CTIF: variants seen among roughly 807,000 people sequenced by gnomAD.
CTIF encodes the protein cap binding complex dependent translation initiation factor.
A neutral mutation model predicts 66.0 loss-of-function variants in CTIF; 21 were observed. The observed-to-expected ratio is 0.32, with a 90% CI of 0.23 to 0.46. CTIF has a LOEUF of 0.46. Among genes scored for constraint, CTIF ranks in the 20% least tolerant of loss-of-function variants. The pLI is 1.00. For synonymous variants in CTIF, 345 were observed against 326.4 expected, an observed-to-expected ratio of 1.06 and a Z score of -0.62; for missense variants, 739 against 812.7, an observed-to-expected ratio of 0.91 and a Z score of 1.10.
intron 7 of CTIF, among the ~76,000 whole-genome samples, chr18:48,756,910 G>A (rs1908420491): frequency 6.6e-6 from 1 of 152,162 alleles, no homozygotes; most frequent in South Asian, 2.1e-4. Flanking sequence ...TATTCCTTCT[G>A]TATCTGTTTG....
At chr18:48,602,991 G>A (rs2090122274) in intron 1 of CTIF, among the ~76,000 whole-genome samples, 1 of 151,650 alleles carries the variant, frequency 6.6e-6, no homozygotes, top group African/African-American at 2.4e-5. Flanking sequence ...ATGAATGGAT[G>A]GGTGGATGAA....
At chr18:48,776,254 T>C (rs1205098052) in intron 9 of CTIF, among the ~76,000 whole-genome samples, 1 of 152,218 alleles carries the variant, frequency 6.6e-6, no homozygotes, top group Non-Finnish European at 1.5e-5. Flanking sequence ...TATGCCCCCA[T>C]GTGCCCCAAC....
intron 9 of CTIF, among the ~76,000 whole-genome samples, chr18:48,763,734 G>A (rs1361743616): frequency 6.6e-6 from 1 of 152,168 alleles, no homozygotes; most frequent in Non-Finnish European, 1.5e-5. Flanking sequence ...GCCTTCATCA[G>A]TGTACCCTCG....
chr18:48,822,006 G>A (rs574936253), intron 10 of CTIF, among the ~76,000 whole-genome samples: 22 of 152,258 alleles, frequency 1.4e-4, no homozygotes, highest in African/African-American at 4.8e-4. Flanking sequence ...CTAGCCTCTG[G>A]CAACCACTAT....
chr18:48,692,317 ACAAAAC>A (rs1364626670), intron 6 of CTIF, among the ~76,000 whole-genome samples: 5 of 114,648 alleles, frequency 4.4e-5, no homozygotes, highest in Middle Eastern at 9.1e-3. Flanking sequence ...AAAAACAAAA[ACAAAAC>A]AAAAAACAAA....
chr18:48,708,232 GCA>G (rs2092183089), intron 6 of CTIF, among the ~76,000 whole-genome samples: 20 of 152,204 alleles, frequency 1.3e-4, no homozygotes, highest in Admixed American at 1.1e-3. Context: ...CTGCCAACCT[GCA>G]TGAGCTGCAC....
intron 6 of CTIF, among the ~76,000 whole-genome samples, chr18:48,692,337 CAAA>C (rs11320556): frequency 2.9e-5 from 4 of 139,650 alleles, no homozygotes; most frequent in African/African-American, 1.1e-4. Context: ...AAACAAAAAA[CAAA>C]AAAAAAAAAC....
intron 8 of CTIF, 141 bp downstream of exon 8, chr18:48,758,546 CA>C: frequency 9.4e-7 from 1 of 1,067,234 alleles, no homozygotes; most frequent in Non-Finnish European, 1.3e-6. Flanking sequence ...GGGCTTCGGT[CA>C]CTGTGGGGAC....
At chr18:48,765,264 C>T (rs1411570134) in intron 9 of CTIF, among the ~76,000 whole-genome samples, 1 of 152,222 alleles carries the variant, frequency 6.6e-6, no homozygotes, top group Middle Eastern at 3.2e-3. Context: ...TGCTTCCTCC[C>T]TGAGGTTTGC....
chr18:48,588,704 A>C (rs2089824882), intron 1 of CTIF, among the ~76,000 whole-genome samples: 1 of 151,830 alleles, frequency 6.6e-6, no homozygotes, highest in Non-Finnish European at 1.5e-5. Flanking sequence ...TCCTGCTCCC[A>C]GTCTTCCTTT....
At chr18:48,637,071 G>T (rs2090836644) in intron 3 of CTIF, among the ~76,000 whole-genome samples, 1 of 152,174 alleles carries the variant, frequency 6.6e-6, no homozygotes, top group Non-Finnish European at 1.5e-5. Flanking sequence ...ACAAACAATG[G>T]GACTCGGCAT....
rs956229614 is a variant in CTIF, at chr18:48,630,249, C to T, written c.181-6365C>T. 6.9e-5 allele frequency among the ~76,000 whole-genome samples: 10 copies of T among 145,714 alleles called. No individual in the cohort carries two copies. In the East Asian group the frequency reaches 1.2e-3, roughly 18 times the overall value. Reference sequence around the variant, plus strand: ...CAGATGTAGGGCTTTTTACCACCCACGGTTTCAGGCATCCACTAGGGAATC... The same window carrying T: ...CAGATGTAGGGCTTTTTACCACCCATGGTTTCAGGCATCCACTAGGGAATC... On this transcript the variant is annotated intron_variant, in intron 2 of 11. Coordinates refer to ENST00000256413, the MANE Select transcript of CTIF (RefSeq NM_014772.3).
intron 1 of CTIF, among the ~76,000 whole-genome samples, chr18:48,578,278 C>T (rs999413251): frequency 2.0e-5 from 3 of 152,060 alleles, no homozygotes; most frequent in Admixed American, 6.6e-5. Flanking sequence ...AATAATGCTG[C>T]TCTGAATGTT....
chr18:48,648,390 GT>G (rs1274739193), intron 3 of CTIF, among the ~76,000 whole-genome samples: 4 of 151,976 alleles, frequency 2.6e-5, no homozygotes, highest in African/African-American at 9.7e-5. Context: ...CTGCCCTGCT[GT>G]TCTCCTGCTT....
chr18:48,755,555 C>A (rs1225600286), intron 7 of CTIF: 1 of 152,246 alleles, frequency 6.6e-6, no homozygotes, highest in Non-Finnish European at 1.5e-5. Flanking sequence ...ATAGCTCCTA[C>A]CTGCCATGGG....
intron 2 of CTIF, 40 bp from the exon 3 acceptor site, chr18:48,636,574 G>C: frequency 6.9e-7 from 1 of 1,458,860 alleles, no homozygotes; most frequent in Admixed American, 2.4e-5. Context: ...CATGGGCCTG[G>C]CTGTCCTGCC....
intron 10 of CTIF, among the ~76,000 whole-genome samples, chr18:48,838,724 G>A (rs1385335407): frequency 6.6e-6 from 1 of 152,202 alleles, no homozygotes; most frequent in African/African-American, 2.4e-5. Context: ...TTTATTTGGT[G>A]GCCCCTTAAC....
At chr18:48,582,239 G>C (rs1015651741) in intron 1 of CTIF, among the ~76,000 whole-genome samples, 1 of 151,998 alleles carries the variant, frequency 6.6e-6, no homozygotes, top group Non-Finnish European at 1.5e-5. Context: ...GTAGAGGCTT[G>C]GCAAGGCGGC....
intron 1 of CTIF, among the ~76,000 whole-genome samples, chr18:48,593,651 G>A (rs2089935217): frequency 6.6e-6 from 1 of 151,756 alleles, no homozygotes; most frequent in Non-Finnish European, 1.5e-5. Flanking sequence ...CAAAGTGCTG[G>A]GATTACAGGT....
Sources: gnomAD v4.1 joint callset for allele counts (sites outside exome capture counted in the v4.1 genomes callset) on GRCh38, gnomAD v4.1.1 for gene constraint, MANE v1.5 for transcripts, NCBI Gene and HGNC (gene_info 2026-07-23, HGNC 2026-07-21) for gene names.